The following C2orf49 variants were observed in gnomAD, a reference collection of about 807,000 sequenced individuals.
C2orf49 encodes tRNA-splicing ligase complex subunit ASW.
C2orf49 carries 11 observed loss-of-function variants against 20.6 expected under a neutral mutation model. That is an observed-to-expected ratio of 0.53 (90% confidence interval 0.34 to 0.88). The LOEUF (loss-of-function observed/expected upper bound fraction) is 0.88. Ranked by LOEUF, C2orf49 falls within the 40% of genes least tolerant of loss-of-function variation. C2orf49 has a pLI of 0.02. For synonymous variants in C2orf49, 134 were observed against 108.5 expected (o/e 1.24, Z -1.46); for missense variants, 289 against 274.2 (o/e 1.05, Z -0.38).
chr2:105,338,019 G>A (rs1199295419), intron 1 of C2orf49, among the ~76,000 whole-genome samples: 1 of 152,196 alleles, frequency 6.6e-6, no homozygotes, highest in African/African-American at 2.4e-5. Context: ...GACATGGAAT[G>A]TAGAAATCAT....
the C2orf49 span, chr2:105,367,519 T>C: frequency 2.1e-5 from 32 of 1,551,842 alleles, no homozygotes; most frequent in African/African-American, 5.4e-5. Flanking sequence ...ACATGGACCA[T>C]GGAGGCAAAC....
In C2orf49 at chr2:105,348,634, G is replaced by A. The variant is rs996068241; in HGVS notation, c.*3263G>A. 6.6e-6 allele frequency: 1 copy of A among 150,940 alleles called. No homozygotes were observed. The highest frequency in any genetic ancestry group is 1.5e-5 in the Non-Finnish European group (1 of 67,798). The allele number at this position is 150,940 out of a possible 1,614,324, so 9.4% of individuals were successfully genotyped here. A position where few individuals can be genotyped will look rare whatever the true frequency, so the allele number is the denominator to read the frequency against. On this transcript the variant is annotated 3_prime_UTR_variant, in exon 4 of 4. Coordinates refer to ENST00000258457, the MANE Select transcript of C2orf49 (RefSeq NM_024093.3). Reference sequence around the variant, plus strand: ...TAAATAATGGTCAGAATGTTTTTAAGTGTGCTCTTTTATTACATGCTTGTG... The same window carrying A: ...TAAATAATGGTCAGAATGTTTTTAAATGTGCTCTTTTATTACATGCTTGTG...
At chr2:105,351,879 G>A (rs1679944466), downstream of C2orf49, among the ~76,000 whole-genome samples, 1 of 152,254 alleles carries the variant, frequency 6.6e-6, no homozygotes, top group Admixed American at 6.5e-5. Context: ...ACCCCTATAG[G>A]TGTACATTTC....
At chr2:105,364,753 C>T in the C2orf49 span, among the ~76,000 whole-genome samples, 1 of 152,140 alleles carries the variant, frequency 6.6e-6, no homozygotes, top group South Asian at 2.1e-4. Flanking sequence ...TTGGTCTTTA[C>T]ATAAAGCTTG....
chr2:105,339,538 A>G (rs751007963), intron 1 of C2orf49, 45 bp from the exon 2 acceptor site: 14 of 1,554,264 alleles, frequency 9.0e-6, no homozygotes, highest in Non-Finnish European at 1.2e-5. Flanking sequence ...ACTTGTTAAA[A>G]TTAAAAACAT....
At chr2:105,341,026 TACAC>T (rs1679651399) in intron 2 of C2orf49, among the ~76,000 whole-genome samples, 1 of 152,232 alleles carries the variant, frequency 6.6e-6, no homozygotes, top group South Asian at 2.1e-4. Flanking sequence ...TTTTGGAAAA[TACAC>T]ACACAGTCTG....
chr2:105,383,921 T>C, the C2orf49 span, among the ~76,000 whole-genome samples: 2 of 152,194 alleles, frequency 1.3e-5, no homozygotes, highest in Admixed American at 6.5e-5. Context: ...TCTCAAAACA[T>C]TAATCCGGGT....
At chr2:105,350,038 A>G (rs1244511693), downstream of C2orf49, among the ~76,000 whole-genome samples, 1 of 152,176 alleles carries the variant, frequency 6.6e-6, no homozygotes, top group East Asian at 1.9e-4. Flanking sequence ...CTGGAAATAC[A>G]TGGCTCACCC....
At chr2:105,373,133 C>T in the C2orf49 span, among the ~76,000 whole-genome samples, 1 of 152,160 alleles carries the variant, frequency 6.6e-6, no homozygotes, top group Non-Finnish European at 1.5e-5. Context: ...TCACACCCTA[C>T]GAATGCTCAG....
At chr2:105,371,546 A>AGCTCTCTCTC in the C2orf49 span, among the ~76,000 whole-genome samples, 1 of 140,970 alleles carries the variant, frequency 7.1e-6, no homozygotes, top group Non-Finnish European at 1.5e-5. Context: ...ATCCCTTGAA[A>AGCTCTCTCTC]TCTCTCTCTC....
chr2:105,361,116 T>G, the C2orf49 span: 1 of 617,840 alleles, frequency 1.6e-6, no homozygotes, highest in South Asian at 2.6e-5. Flanking sequence ...GGGACTGAAC[T>G]ATCACAAAGC....
At chr2:105,370,519 T>A in the C2orf49 span, among the ~76,000 whole-genome samples, 1 of 152,098 alleles carries the variant, frequency 6.6e-6, no homozygotes, top group Non-Finnish European at 1.5e-5. Flanking sequence ...ACCCCAGCAC[T>A]GGGGTTACTG....
rs776788200 is a variant in C2orf49 at position 105,343,077 on chromosome 2, C to G, written c.496C>G (p.His166Asp). 9 of 1,614,098 alleles carry G rather than the reference C, an allele frequency of 5.6e-6. No homozygotes were observed. The highest frequency in any genetic ancestry group is 6.8e-6 in the Non-Finnish European group (8 of 1,180,052). ...SNLPVNNKTE[H>D]NNNDAKQNHD... ...TTTGCCTGTGAACAATAAAACGGAACACAATAATAATGACGCTAAACAGAA... is the reference window on the plus strand; with the variant it reads ...TTTGCCTGTGAACAATAAAACGGAAGACAATAATAATGACGCTAAACAGAA... The change falls in exon 3 of 4, where the codon CAC becomes GAC. Residue 166 changes from histidine to aspartate, a missense_variant. Transcript: ENST00000258457.
At chr2:105,373,656 C>G in the C2orf49 span, 1 of 1,614,236 alleles carries the variant, frequency 6.2e-7, no homozygotes, top group Non-Finnish European at 8.5e-7. Context: ...CAGCAAAGGG[C>G]TTGTCCACCA....
At chr2:105,352,958 C>T (rs773934914), downstream of C2orf49, among the ~76,000 whole-genome samples, 2 of 152,096 alleles carry the variant, frequency 1.3e-5, no homozygotes, top group African/African-American at 2.4e-5. Context: ...TTTTCTCTCC[C>T]TATAACAGAA....
the C2orf49 span, among the ~76,000 whole-genome samples, chr2:105,362,643 A>C: frequency 2.0e-5 from 3 of 152,184 alleles, no homozygotes; most frequent in Middle Eastern, 6.8e-3. Context: ...CCACCCAGTC[A>C]CTCATTTGTG....
chr2:105,376,297 G>A, the C2orf49 span: 1 of 152,168 alleles, frequency 6.6e-6, no homozygotes, highest in Non-Finnish European at 1.5e-5. Flanking sequence ...AATCCTGGTC[G>A]GGTCTGTGTT....
chr2:105,359,184 G>C, the C2orf49 span: 1 of 148,506 alleles, frequency 6.7e-6, no homozygotes, highest in Non-Finnish European at 1.5e-5. Flanking sequence ...CTATTTACTA[G>C]AAGTGGAATT....
At position 105,345,493 on chromosome 2, in the gene C2orf49, G is replaced by T; in HGVS notation, c.*122G>T. On this transcript the variant is annotated 3_prime_UTR_variant, in exon 4 of 4. Coordinates refer to ENST00000258457, the MANE Select transcript of C2orf49 (RefSeq NM_024093.3). Reference sequence around the variant, plus strand: ...AATTTTCTTAAGAGGTTTCAAATAGGTTTAAAAAAATAAAGGATTTATTTT... The same window carrying T: ...AATTTTCTTAAGAGGTTTCAAATAGTTTTAAAAAAATAAAGGATTTATTTT... 2.6e-6 allele frequency: 2 copies of T among 774,964 alleles called. No individual in the cohort carries two copies. Among genetic ancestry groups the T allele is most frequent in the Non-Finnish European group, 4.1e-6 (2 of 482,044 alleles). 48.0% of individuals were successfully genotyped at this position (774,964 alleles called of 1,614,324 possible). A position where few individuals can be genotyped will look rare whatever the true frequency, so the allele number is the denominator to read the frequency against.
Sources: allele counts gnomAD v4.1 joint callset (sites outside exome capture counted in the v4.1 genomes callset), GRCh38; gene constraint gnomAD v4.1.1; transcripts MANE v1.5; gene names NCBI Gene and HGNC (gene_info 2026-07-23, HGNC 2026-07-21).